Variants in PEAK1 observed in about 807,000 individuals in gnomAD.
The protein encoded by PEAK1 is pseudopodium enriched atypical kinase 1, also known as inactive tyrosine-protein kinase PEAK1.
Under a neutral mutation model 124.7 loss-of-function variants are expected in PEAK1, and 54 were observed. That is an observed-to-expected ratio of 0.43 (90% CI 0.35 to 0.54). PEAK1 has a LOEUF of 0.54. PEAK1 is among the 20% of genes least tolerant of loss of function. PEAK1 has a pLI of 0.01. For missense variants in PEAK1, 2,046 were observed against 2,134.5 expected, an observed-to-expected ratio of 0.96 and a Z score of 0.82; for synonymous variants, 719 against 760.0, an observed-to-expected ratio of 0.95 and a Z score of 0.89.
At chr15:77,160,667 T>A (rs2055557849) in intron 7 of PEAK1, among the ~76,000 whole-genome samples, 1 of 151,968 alleles carries the variant, frequency 6.6e-6, no homozygotes, top group Non-Finnish European at 1.5e-5. Flanking sequence ...AGAGTGAGAC[T>A]CTGTCTCAAA....
chr15:77,266,817 C>G (rs920097992), intron 5 of PEAK1, among the ~76,000 whole-genome samples: 5 of 152,226 alleles, frequency 3.3e-5, no homozygotes, highest in Middle Eastern at 3.4e-3. Flanking sequence ...CCAGGAAAGC[C>G]GAGATAATCC....
At chr15:77,183,449 G>A (rs1003182053) in intron 6 of PEAK1, among the ~76,000 whole-genome samples, 9 of 152,056 alleles carry the variant, frequency 5.9e-5, no homozygotes, top group Admixed American at 3.9e-4. Context: ...TATGAAATAC[G>A]TAAAATTTCA....
intron 6 of PEAK1, among the ~76,000 whole-genome samples, chr15:77,229,689 C>T (rs2059824759): frequency 6.7e-6 from 1 of 150,278 alleles, no homozygotes; most frequent in Admixed American, 6.6e-5. Context: ...CTCTTTTTGC[C>T]CAGGCCAGAG....
chr15:77,380,830 T>C (rs912570881), intron 1 of PEAK1, among the ~76,000 whole-genome samples: 2 of 152,088 alleles, frequency 1.3e-5, no homozygotes, highest in East Asian at 1.9e-4. Context: ...TCCCCCTCTC[T>C]CCCAAATGGC....
At chr15:77,331,422 G>A (rs936988731) in intron 2 of PEAK1, among the ~76,000 whole-genome samples, 4 of 152,046 alleles carry the variant, frequency 2.6e-5, no homozygotes, top group Non-Finnish European at 4.4e-5. Flanking sequence ...GAGCCACCAT[G>A]CCTGGACAAT....
chr15:77,300,391 T>C (rs1232351413), intron 2 of PEAK1, among the ~76,000 whole-genome samples: 1 of 152,210 alleles, frequency 6.6e-6, no homozygotes, highest in Non-Finnish European at 1.5e-5. Flanking sequence ...ACTCTTGCTT[T>C]TGAGGGGTGG....
chr15:77,223,888 T>A (rs1467104981), intron 6 of PEAK1, among the ~76,000 whole-genome samples: 1 of 66,438 alleles, frequency 1.5e-5, no homozygotes, highest in Non-Finnish European at 3.8e-5. Context: ...TTTGAGAGAT[T>A]TTTTTTTTTT....
At chr15:77,348,835 TC>T in intron 2 of PEAK1, 4 of 760,718 alleles carry the variant, frequency 5.3e-6, no homozygotes, top group Non-Finnish European at 6.4e-6. Context: ...AGAGTGGGGG[TC>T]TAACTGTGTT....
chr15:77,391,086 C>T (rs892538446), intron 1 of PEAK1, among the ~76,000 whole-genome samples: 2 of 152,160 alleles, frequency 1.3e-5, no homozygotes, highest in Admixed American at 1.3e-4. Flanking sequence ...CTATTTATGA[C>T]TCTCCTTATT....
chr15:77,228,578 A>C (rs1218549560), intron 6 of PEAK1, among the ~76,000 whole-genome samples: 3 of 152,070 alleles, frequency 2.0e-5, no homozygotes, highest in Admixed American at 6.6e-5. Flanking sequence ...TTTGCCCAGA[A>C]CTTGCTGCTC....
chr15:77,118,852 A>G (rs547158311), intron 9 of PEAK1, among the ~76,000 whole-genome samples: 62 of 152,286 alleles, frequency 4.1e-4, no homozygotes, highest in African/African-American at 1.4e-3. Flanking sequence ...AAATCACCTC[A>G]TATTTGCCTT....
At chr15:77,231,539 A>T (rs562269345) in intron 6 of PEAK1, among the ~76,000 whole-genome samples, 4 of 152,326 alleles carry the variant, frequency 2.6e-5, no homozygotes, top group African/African-American at 9.6e-5. Context: ...TAAAGATAAC[A>T]TCTTCCCTTT....
chr15:77,208,546 A>T lies in PEAK1; in HGVS notation c.-114-26506T>A, dbSNP rs902256194. ...GCAACTTCCTCTTAGGGCGAATATT[A>T]TGTTCATCTTTTCCTCTACTTTCTT... On this transcript the variant is annotated intron_variant, in intron 6 of 9. Coordinates refer to ENST00000682557, the MANE Select transcript of PEAK1 (RefSeq NM_001385026.1). Among the ~76,000 whole-genome samples the T allele has an allele frequency of 2.6e-5, 4 of 152,264 alleles. No homozygotes were observed. In the East Asian group the frequency reaches 7.7e-4, roughly 29 times the overall value.
chr15:77,419,604 C>G, intron 1 of PEAK1: 1 of 985,128 alleles, frequency 1.0e-6, no homozygotes, highest in Non-Finnish European at 1.2e-6. Context: ...CCCCTCCTGC[C>G]CCGGCCTCCC....
At position 77,404,700 on chromosome 15, in the gene PEAK1, A is replaced by G. The variant is rs995387177; in HGVS notation, c.-666+15306T>C. 3 of 948,168 alleles carry G rather than the reference A, an allele frequency of 3.2e-6. No homozygotes were observed. The Admixed American group carries it at 1.9e-4, about 59-fold the overall frequency. The allele number at this position is 948,168 out of a possible 1,614,324, so 58.7% of individuals were successfully genotyped here. On this transcript the variant is annotated intron_variant, in intron 1 of 9. Transcript: ENST00000682557. Reference sequence around the variant, plus strand: ...TCTGCTGTACTAATATATTTGGAGAATGATCATAGGAGAAGTAGGAGGTAG... The same window carrying G: ...TCTGCTGTACTAATATATTTGGAGAGTGATCATAGGAGAAGTAGGAGGTAG...
chr15:77,256,009 GA>G (rs1291856546), intron 5 of PEAK1, among the ~76,000 whole-genome samples: 1 of 151,974 alleles, frequency 6.6e-6, no homozygotes, highest in African/African-American at 2.4e-5. Flanking sequence ...GAACTAAGAG[GA>G]AAAAAATCCA....
intron 9 of PEAK1, among the ~76,000 whole-genome samples, chr15:77,130,255 G>A (rs1387881944): frequency 1.3e-5 from 2 of 152,110 alleles, no homozygotes; most frequent in Non-Finnish European, 2.9e-5. Context: ...TCCTGCATTG[G>A]TGATTTTGCA....
At chr15:77,403,987 T>C in intron 1 of PEAK1, 7 of 967,202 alleles carry the variant, frequency 7.2e-6, no homozygotes, top group Non-Finnish European at 8.6e-6. Flanking sequence ...TTGGTACAGA[T>C]TATTTTATCA....
intron 5 of PEAK1, among the ~76,000 whole-genome samples, chr15:77,274,571 C>CATA (rs1160040548): frequency 1.3e-5 from 2 of 152,024 alleles, no homozygotes; most frequent in African/African-American, 4.8e-5. Flanking sequence ...TACTACCTTA[C>CATA]TCCTGCAACA....
Sources: allele counts gnomAD v4.1 joint callset (sites outside exome capture counted in the v4.1 genomes callset), GRCh38; gene constraint gnomAD v4.1.1; transcripts MANE v1.5; gene names NCBI Gene and HGNC (gene_info 2026-07-23, HGNC 2026-07-21).